The following HBP1 variants were observed in gnomAD, a reference collection of about 807,000 sequenced individuals.
The protein encoded by HBP1 is HMG-box transcription factor 1, also known as HMG box-containing protein 1.
Under a neutral mutation model 62.6 loss-of-function variants are expected in HBP1, and 20 were observed. The ratio of observed to expected loss-of-function variants is 0.32; its 90% CI spans 0.22 to 0.46. The LOEUF (loss-of-function observed/expected upper bound fraction) is 0.46. HBP1 is among the 20% of genes least tolerant of loss of function. The probability of loss-of-function intolerance (pLI) is 1.00; values close to 1 mark genes in which losing one functional copy is unlikely to be tolerated. For missense variants in HBP1, 480 were observed against 611.8 expected (o/e 0.78, Z 2.27); for synonymous variants, 232 against 206.2 (o/e 1.12, Z -1.07).
chr7:107,169,351 C>G (rs984805119), intron 1 of HBP1, among the ~76,000 whole-genome samples, 166 bp downstream of exon 1: 5 of 150,030 alleles, frequency 3.3e-5, no homozygotes, highest in African/African-American at 1.2e-4. Context: ...GGCGAGCCCA[C>G]CGGAGCAGCG....
chr7:107,175,516 A>G (rs1229639079), intron 1 of HBP1, among the ~76,000 whole-genome samples: 3 of 152,168 alleles, frequency 2.0e-5, no homozygotes, highest in Non-Finnish European at 4.4e-5. Context: ...CTAAACTACA[A>G]TTGAAGACTC....
At position 107,171,067 on chromosome 7, in the gene HBP1, ATATATAT is replaced by A. The variant is rs1184687984; in HGVS notation, c.-16+1884_-16+1890del. On this transcript the variant is annotated intron_variant, in intron 1 of 10. Coordinates refer to ENST00000222574, the MANE Select transcript of HBP1 (RefSeq NM_012257.4). ...TATAAATATATATATATATATATAT[ATATATAT>A]TTTTTTTTTTTTTTGAGAGGGAGTC... is the stretch of plus-strand genomic sequence containing the variant. Among the ~76,000 whole-genome samples the A allele has an allele frequency of 8.1e-4, 54 of 66,668 alleles. 5 individuals are homozygous for A. The highest frequency in any genetic ancestry group is 7.5e-3 in the African/African-American group (54 of 7,186). 43.7% of individuals were successfully genotyped at this position (66,668 alleles called of 152,430 possible).
At position 107,171,046 on chromosome 7, in the gene HBP1, A is replaced by AATATAT. The variant is rs374693805; in HGVS notation, c.-16+1884_-16+1889dup. On this transcript the variant is annotated intron_variant, in intron 1 of 10. Coordinates refer to ENST00000222574, the MANE Select transcript of HBP1 (RefSeq NM_012257.4). The stretch of plus-strand genomic sequence containing the variant: ...AAAATATATAACATATACATGTATA[A>AATATAT]ATATATATATATATATATATATATA... Among the ~76,000 whole-genome samples, 299 of 60,522 alleles carry AATATAT rather than the reference A, an allele frequency of 4.9e-3. 11 individuals carry two copies. The highest frequency in any genetic ancestry group is 7.3e-3 in the Non-Finnish European group (226 of 31,014). The allele number at this position is 60,522 out of a possible 152,430, so 39.7% of individuals were successfully genotyped here. A position where few individuals can be genotyped will look rare whatever the true frequency, so the allele number is the denominator to read the frequency against.
chr7:107,172,265 G>A (rs1159994798), intron 1 of HBP1, among the ~76,000 whole-genome samples: 1 of 152,060 alleles, frequency 6.6e-6, no homozygotes, highest in African/African-American at 2.4e-5. Context: ...TACTTTTGAG[G>A]AGCCATTTAA....
intron 1 of HBP1, among the ~76,000 whole-genome samples, chr7:107,173,872 C>G (rs1435863317): frequency 6.6e-6 from 1 of 152,060 alleles, no homozygotes; most frequent in Non-Finnish European, 1.5e-5. Flanking sequence ...AATCTGATAC[C>G]AAAGCAGTAT....
Position 107,171,073 on chromosome 7 carries a change from A to ATATATATTT in HBP1, c.-16+1889_-16+1890insATATATTTT. On this transcript the variant is annotated intron_variant, in intron 1 of 10. Transcript: ENST00000222574. Reference sequence around the variant, plus strand: ...TATATATATATATATATATATATATATTTTTTTTTTTTTTTGAGAGGGAGT... The same window carrying ATATATATTT: ...TATATATATATATATATATATATATATATATATTTTTTTTTTTTTTTTTTGAGAGGGAGT... 3.7e-4 allele frequency among the ~76,000 whole-genome samples: 32 copies of ATATATATTT among 87,200 alleles called. 2 individuals are homozygous for ATATATATTT. Among genetic ancestry groups the ATATATATTT allele is most frequent in the African/African-American group, 1.9e-3 (28 of 15,124 alleles). The allele number at this position is 87,200 out of a possible 152,430, so 57.2% of individuals were successfully genotyped here.
intron 3 of HBP1, among the ~76,000 whole-genome samples, chr7:107,184,144 A>G (rs1797243144): frequency 6.6e-6 from 1 of 152,218 alleles, no homozygotes. Flanking sequence ...AGAAGAACTG[A>G]TAAAACTCAC....
intron 3 of HBP1, among the ~76,000 whole-genome samples, chr7:107,185,369 TAA>T (rs1011247798): frequency 6.6e-6 from 1 of 152,320 alleles, no homozygotes; most frequent in South Asian, 2.1e-4. Flanking sequence ...GGTTGGTAGA[TAA>T]AGAGTTCAGA....
At chr7:107,197,551 G>A (rs948738939) in intron 9 of HBP1, among the ~76,000 whole-genome samples, 2 of 152,094 alleles carry the variant, frequency 1.3e-5, no homozygotes, top group African/African-American at 4.8e-5. Context: ...TGCATATTTA[G>A]TAGACATGGG....
At chr7:107,181,713 C>CA (rs2115855513) in intron 2 of HBP1, among the ~76,000 whole-genome samples, 1 of 150,840 alleles carries the variant, frequency 6.6e-6, no homozygotes, top group Non-Finnish European at 1.5e-5. Flanking sequence ...TACACACATA[C>CA]ATACAGACAT....
chr7:107,200,089 A>C, intron 9 of HBP1, 71 bp from the exon 10 acceptor site: 1 of 1,232,628 alleles, frequency 8.1e-7, no homozygotes, highest in Non-Finnish European at 1.1e-6. Context: ...TTTCTCCTGA[A>C]GTAGCAGCAC....
At chr7:107,173,314 C>T (rs959806607) in intron 1 of HBP1, 4 of 152,050 alleles carry the variant, frequency 2.6e-5, no homozygotes, top group African/African-American at 9.7e-5. Context: ...GGAAATCCTT[C>T]AGGATTAGGG....
rs751145676 is a variant in HBP1 at position 107,196,004 on chromosome 7, T to C, written c.1238T>C (p.Leu413Ser). 2.5e-6 allele frequency: 4 copies of C among 1,614,112 alleles called. No individual in the cohort carries two copies. The highest frequency in any genetic ancestry group is 3.4e-6 in the Non-Finnish European group (4 of 1,179,988). Residue 413 changes from leucine to serine, a missense_variant, in exon 9 of 11, where the codon TTG becomes TCG. This residue lies in a region of HBP1 where 66 missense variants were observed against 56.4 expected (regional missense o/e 1.17). Transcript: ENST00000222574. ...TCATCACAGCTCTCTTCCAATTCTT[T>C]GTATGCTAAAGCTGTCAAAAACCAC... Reference protein sequence around the residue: ...PGSSQLSSNSLYAKAVKNHSS... With the variant: ...PGSSQLSSNSSYAKAVKNHSS...
intron 1 of HBP1, among the ~76,000 whole-genome samples, chr7:107,171,267 T>C (rs1796581782): frequency 6.6e-6 from 1 of 151,148 alleles, no homozygotes; most frequent in South Asian, 2.1e-4. Context: ...AAACGGGGTT[T>C]CACCATTTTG....
At position 107,200,381 on chromosome 7, in the gene HBP1, A is replaced by G. The variant is rs191188850; in HGVS notation, c.1527+80A>G. On this transcript the variant is annotated intron_variant, in intron 10 of 10. Transcript: ENST00000222574. ...CTGGCATGTTGGAGCAGTTGTTACA[A>G]CCTTTAAGAGGTTGTGTTGATGCTG... 1.2e-4 allele frequency: 146 copies of G among 1,193,158 alleles called. No homozygotes were observed. The East Asian group carries it at 3.4e-3, about 27-fold the overall frequency. 73.9% of individuals were successfully genotyped at this position (1,193,158 alleles called of 1,614,324 possible).
intron 1 of HBP1, among the ~76,000 whole-genome samples, chr7:107,171,073 A>ATATATATATATATATATTTTTT: frequency 1.4e-4 from 12 of 87,200 alleles, no homozygotes; most frequent in African/African-American, 7.3e-4. Flanking sequence ...ATATATATAT[A>ATATATATATATATATATTTTTT]TTTTTTTTTT....
In HBP1 at chr7:107,202,086, G is replaced by T. The variant is rs1329962709; in HGVS notation, c.*655G>T. ...GCCATCCGTTATTATTTCCAATGGA[G>T]ACCTAGCCCAGGCCAAGGTAAAGTT... On this transcript the variant is annotated 3_prime_UTR_variant, in exon 11 of 11. Coordinates refer to ENST00000222574, the MANE Select transcript of HBP1 (RefSeq NM_012257.4). 1 of 152,688 alleles carries T rather than the reference G, an allele frequency of 6.5e-6. No individual in the cohort carries two copies. The highest frequency in any genetic ancestry group is 2.4e-5 in the African/African-American group (1 of 41,468). 9.5% of individuals were successfully genotyped at this position (152,688 alleles called of 1,614,324 possible). A position where few individuals can be genotyped will look rare whatever the true frequency, so the allele number is the denominator to read the frequency against.
At chr7:107,174,324 T>G in intron 1 of HBP1, 3 of 322,022 alleles carry the variant, frequency 9.3e-6, no homozygotes, top group Non-Finnish European at 1.3e-5. Flanking sequence ...CTGATAGCCT[T>G]GAGCAATGAG....
At chr7:107,175,716 CT>C (rs1215594002) in intron 1 of HBP1, among the ~76,000 whole-genome samples, 162 of 136,492 alleles carry the variant, frequency 1.2e-3, no homozygotes, top group African/African-American at 1.5e-3. Flanking sequence ...TCCCTCTCTT[CT>C]TTTTTTTTTT....
Sources: gnomAD v4.1 joint callset for allele counts (sites outside exome capture counted in the v4.1 genomes callset) on GRCh38, gnomAD v4.1.1 for gene constraint, gnomAD v4.1.1 regional missense constraint, MANE v1.5 for transcripts, NCBI Gene and HGNC (gene_info 2026-07-23, HGNC 2026-07-21) for gene names.